The following ALK variants were observed in gnomAD, a reference collection of about 807,000 sequenced individuals.
The protein encoded by ALK is ALK receptor tyrosine kinase, also known as ALK tyrosine kinase receptor.
A neutral mutation model predicts 163.1 loss-of-function variants in ALK; 74 were observed. The observed-to-expected ratio is 0.45, with a 90% CI of 0.38 to 0.55. The LOEUF (loss-of-function observed/expected upper bound fraction) is 0.55. Among genes scored for constraint, ALK ranks in the 20% least tolerant of loss-of-function variants. ALK has a pLI of 0.00. For synonymous variants in ALK, 960 were observed against 843.2 expected (o/e 1.14, Z -2.40); for missense variants, 2,063 against 2,105.3 (o/e 0.98, Z 0.39).
intron 26 of ALK, among the ~76,000 whole-genome samples, chr2:29,198,804 ATTCAT>A (rs1395943232): frequency 1.3e-5 from 2 of 152,092 alleles, no homozygotes; most frequent in Non-Finnish European, 2.9e-5. Context: ...GTGTTTATTA[ATTCAT>A]TTCACTTTTT....
At chr2:29,316,180 C>G (rs777959053) in intron 8 of ALK, among the ~76,000 whole-genome samples, 1 of 152,152 alleles carries the variant, frequency 6.6e-6, no homozygotes, top group Non-Finnish European at 1.5e-5. Flanking sequence ...TCTAGAAATG[C>G]ATATTTCTAT....
intron 5 of ALK, among the ~76,000 whole-genome samples, chr2:29,345,609 G>A (rs999024014): frequency 6.6e-6 from 1 of 151,832 alleles, no homozygotes; most frequent in African/African-American, 2.4e-5. Flanking sequence ...TGAACCCCAA[G>A]GTTCCACTTT....
chr2:29,865,034 TG>T (rs1431709002), intron 1 of ALK, among the ~76,000 whole-genome samples: 1 of 152,176 alleles, frequency 6.6e-6, no homozygotes. Context: ...CTGAGTTCAA[TG>T]GGCTTTTGCT....
chr2:29,562,148 T>C (rs1401677405), intron 3 of ALK, among the ~76,000 whole-genome samples: 1 of 152,182 alleles, frequency 6.6e-6, no homozygotes, highest in Non-Finnish European at 1.5e-5. Context: ...TGGACAACCA[T>C]GGGTGGGTGC....
intron 1 of ALK, among the ~76,000 whole-genome samples, chr2:29,871,680 C>G (rs982200252): frequency 3.3e-5 from 5 of 152,188 alleles, no homozygotes; most frequent in African/African-American, 1.2e-4. Flanking sequence ...GTGGTTGCTA[C>G]TAATATCACA....
chr2:29,255,219 G>A (rs1164763814), intron 11 of ALK, among the ~76,000 whole-genome samples: 2 of 152,156 alleles, frequency 1.3e-5, no homozygotes, highest in Non-Finnish European at 2.9e-5. Context: ...CTCATTGTGC[G>A]AGGGCTGTCC....
At chr2:29,348,949 T>C (rs1553414177) in intron 5 of ALK, among the ~76,000 whole-genome samples, 1 of 152,214 alleles carries the variant, frequency 6.6e-6, no homozygotes, top group Non-Finnish European at 1.5e-5. Context: ...ACCTACTTGC[T>C]CCGTAAGATT....
intron 1 of ALK, among the ~76,000 whole-genome samples, chr2:29,773,035 CA>C (rs5830131): frequency 0.31 from 46,794 of 151,978 alleles, 8,614 homozygotes; most frequent in African/African-American, 0.5. Flanking sequence ...TCAATGTAAA[CA>C]AAAACACCAA....
In ALK at chr2:29,289,510, G is replaced by C. The variant is rs377316312; in HGVS notation, c.1817+7378C>G. Reference sequence around the variant, plus strand: ...CATGTCAATGTCCCCAGCCCCTGTAGCTTCGGGAAGGGACACTTGTGCTGC... The same window carrying C: ...CATGTCAATGTCCCCAGCCCCTGTACCTTCGGGAAGGGACACTTGTGCTGC... On this transcript the variant is annotated intron_variant, in intron 9 of 28. Transcript: ENST00000389048. 2.6e-5 allele frequency among the ~76,000 whole-genome samples: 4 copies of C among 152,196 alleles called. No individual in the cohort carries two copies. The East Asian group carries it at 7.7e-4, about 29-fold the overall frequency.
At chr2:29,904,630 T>C (rs934612898) in intron 1 of ALK, among the ~76,000 whole-genome samples, 3 of 152,206 alleles carry the variant, frequency 2.0e-5, no homozygotes, top group African/African-American at 7.2e-5. Context: ...AAAAGAACCC[T>C]ATAAAGCAAG....
rs557473905 is a variant in ALK at position 29,781,660 on chromosome 2, CTG to C, written c.668-63965_668-63964del. Reference sequence around the variant, plus strand: ...CTGAGGTTTTTCTCATCTCCTAAACCTGTGTCTGAAAGGTTGTAAGCCATAAA... The same window carrying C: ...CTGAGGTTTTTCTCATCTCCTAAACCTGTCTGAAAGGTTGTAAGCCATAAA... On this transcript the variant is annotated intron_variant, in intron 1 of 28. Coordinates refer to ENST00000389048, the MANE Select transcript of ALK (RefSeq NM_004304.5). 2.3e-3 allele frequency among the ~76,000 whole-genome samples: 345 copies of C among 152,306 alleles called. 1 individual carries two copies. The highest frequency in any genetic ancestry group is 4.0e-3 in the Non-Finnish European group (271 of 68,026).
chr2:29,693,919 C>G (rs766364693), intron 3 of ALK, among the ~76,000 whole-genome samples: 1 of 152,210 alleles, frequency 6.6e-6, no homozygotes, highest in Admixed American at 6.5e-5. Flanking sequence ...CCCTGCCTCT[C>G]TCATTGAAAT....
intron 1 of ALK, among the ~76,000 whole-genome samples, chr2:29,870,530 G>A (rs1392472814): frequency 1.3e-5 from 2 of 152,124 alleles, no homozygotes; most frequent in East Asian, 1.9e-4. Context: ...TTGGGGTGGG[G>A]ACATAGAGCC....
intron 4 of ALK, among the ~76,000 whole-genome samples, chr2:29,400,328 T>A (rs1225726942): frequency 6.6e-6 from 1 of 152,214 alleles, no homozygotes; most frequent in Non-Finnish European, 1.5e-5. Flanking sequence ...ATTTTGAATA[T>A]CCTGGGGTGA....
chr2:29,519,345 G>T (rs572946555), intron 4 of ALK, among the ~76,000 whole-genome samples: 6 of 152,256 alleles, frequency 3.9e-5, no homozygotes, highest in Admixed American at 3.9e-4. Flanking sequence ...TTCATTTCTG[G>T]TTCATGATTC....
At chr2:29,355,269 C>T (rs1431435106) in intron 5 of ALK, among the ~76,000 whole-genome samples, 1 of 152,170 alleles carries the variant, frequency 6.6e-6, no homozygotes, top group African/African-American at 2.4e-5. Flanking sequence ...GGTGGGCATC[C>T]TGATTCTCCT....
chr2:29,455,790 T>G (rs150403700), intron 4 of ALK, among the ~76,000 whole-genome samples: 436 of 152,324 alleles, frequency 2.9e-3, no homozygotes, highest in African/African-American at 0.01. Flanking sequence ...TGCCCTTGAC[T>G]GGGCAATTAT....
chr2:29,241,809 A>G (rs75049737), intron 12 of ALK, among the ~76,000 whole-genome samples: 3,915 of 152,138 alleles, frequency 0.026, 173 homozygotes, highest in African/African-American at 0.09. Flanking sequence ...AAATGTTATT[A>G]ATCTCATTTG....
chr2:29,856,953 G>A (rs944034871), intron 1 of ALK, among the ~76,000 whole-genome samples: 5 of 152,192 alleles, frequency 3.3e-5, no homozygotes, highest in South Asian at 4.1e-4. Context: ...TTTTAGCCAA[G>A]TGTCCTTAGT....
Sources: allele counts gnomAD v4.1 joint callset (sites outside exome capture counted in the v4.1 genomes callset), GRCh38; gene constraint gnomAD v4.1.1; transcripts MANE v1.5; gene names NCBI Gene and HGNC (gene_info 2026-07-23, HGNC 2026-07-21).